SPATA31D1: variants seen among roughly 807,000 people sequenced by gnomAD.
SPATA31D1 encodes SPATA31 subfamily D member 1, also known as spermatogenesis-associated protein 31D1.
In SPATA31D1, 6 loss-of-function variants were observed where a neutral mutation model predicts 13.2. The observed-to-expected ratio is 0.46, with a 90% CI of 0.25 to 0.90. SPATA31D1 has a LOEUF of 0.90. Ranked by LOEUF, SPATA31D1 falls within the 40% of genes least tolerant of loss-of-function variation. The pLI is 0.18. For missense variants in SPATA31D1, 2,445 were observed against 1,884.7 expected, an observed-to-expected ratio of 1.30 and a Z score of -5.50; for synonymous variants, 903 against 718.8, an observed-to-expected ratio of 1.26 and a Z score of -4.10.
chr9:81,991,005 A>G lies in SPATA31D1; in HGVS notation c.535A>G (p.Thr179Ala). 6.2e-7 allele frequency: 1 copy of G among 1,613,340 alleles called. No homozygotes were observed. Among genetic ancestry groups the G allele is most frequent in the South Asian group, 1.1e-5 (1 of 91,050 alleles). Residue 179 changes from threonine to alanine, a missense_variant, in exon 4 of 4, where the codon ACC (threonine) becomes GCC (alanine). By Grantham distance (58) the Thr-to-Ala change is moderately conservative (BLOSUM62 0). Transcript: ENST00000344803. ...CACTCTGGCTTCCACCCCCTCAGCAACCCCTCCAGAAGACCTAATACTGTC... is the reference window on the plus strand; with the variant it reads ...CACTCTGGCTTCCACCCCCTCAGCAGCCCCTCCAGAAGACCTAATACTGTC... ...SFTLASTPSA[T>A]PPEDLILSPR...
Position 81,995,225 on chromosome 9 carries a change from A to G in SPATA31D1, c.*24A>G. On this transcript the variant is annotated 3_prime_UTR_variant, in exon 4 of 4. Coordinates refer to ENST00000344803, the MANE Select transcript of SPATA31D1 (RefSeq NM_001001670.3). ...AATTCACTCCTTGTTGAGAATCTTGATTCTCCCCAATAAATGTTCCAATAA... is the reference window on the plus strand; with the variant it reads ...AATTCACTCCTTGTTGAGAATCTTGGTTCTCCCCAATAAATGTTCCAATAA... 3 of 1,476,864 alleles carry G rather than the reference A, an allele frequency of 2.0e-6. No homozygotes were observed. Among genetic ancestry groups the G allele is most frequent in the Non-Finnish European group, 2.7e-6 (3 of 1,111,658 alleles). 91.5% of individuals were successfully genotyped at this position (1,476,864 alleles called of 1,614,324 possible).
Position 81,993,379 on chromosome 9 carries a change from A to G in SPATA31D1, c.2909A>G (p.Gln970Arg), listed in dbSNP as rs1210947054. ...AAGTCCCGTAGTCGAAGCACTTTTC[A>G]AGGAGAAAAGTTGGGAACAACAAGC... is the stretch of plus-strand genomic sequence containing the variant. ...VSKSRSRSTF[Q>R]GEKLGTTSSV... Residue 970 changes from glutamine (Q) to arginine (R), a missense_variant, in exon 4 of 4, where the codon CAA (glutamine) becomes CGA (arginine). Physicochemically the swap from Gln to Arg is conservative, Grantham distance 43. Coordinates refer to ENST00000344803, the MANE Select transcript of SPATA31D1 (RefSeq NM_001001670.3). 6.2e-7 allele frequency: 1 copy of G among 1,613,884 alleles called. No homozygotes were observed. The highest frequency in any genetic ancestry group is 2.2e-5 in the East Asian group (1 of 44,888).
In SPATA31D1 at chr9:81,994,399, G is replaced by C. The variant is rs781720866; in HGVS notation, c.3929G>C (p.Gly1310Ala). ...GGAGAGCTTGATGGAGGGGATGCAG[G>C]GCTGGGGACATCCCAACGCAGGAGA... The part of the protein sequence containing the change: ...KGGELDGGDA[G>A]LGTSQRRRKS... Residue 1310 changes from glycine (G) to alanine (A), a missense_variant, in exon 4 of 4, where the codon GGG becomes GCG. Gly to Ala is a moderately conservative substitution (Grantham distance 60). Transcript: ENST00000344803. 2 of 1,613,900 alleles carry C rather than the reference G, an allele frequency of 1.2e-6. No individual in the cohort carries two copies. The highest frequency in any genetic ancestry group is 3.3e-5 in the Admixed American group (2 of 60,012).
rs1309898462 is a variant in SPATA31D1 at position 81,992,880 on chromosome 9, G to A, written c.2410G>A (p.Asp804Asn). Reference sequence around the variant, plus strand: ...GGATCTGAGGTCTAACTCTGAGAGAGACCTAGAAACTCATATGATGCATCT... The same window carrying A: ...GGATCTGAGGTCTAACTCTGAGAGAAACCTAGAAACTCATATGATGCATCT... Reference protein sequence around the residue: ...DKDLRSNSERDLETHMMHLSG... With the variant: ...DKDLRSNSERNLETHMMHLSG... The change falls in exon 4 of 4, where the codon GAC (aspartate) becomes AAC (asparagine). Residue 804 changes from aspartate (D) to asparagine (N), a missense_variant. Asp to Asn is a conservative substitution (Grantham distance 23, BLOSUM62 1). Coordinates refer to ENST00000344803, the MANE Select transcript of SPATA31D1 (RefSeq NM_001001670.3). 1 of 1,613,698 alleles carries A rather than the reference G, an allele frequency of 6.2e-7. No homozygotes were observed. The highest frequency in any genetic ancestry group is 8.5e-7 in the Non-Finnish European group (1 of 1,179,732).
chr9:81,993,889 T>C lies in SPATA31D1; in HGVS notation c.3419T>C (p.Leu1140Pro). The change falls in exon 4 of 4, where the codon CTT becomes CCT. Residue 1140 changes from leucine (L) to proline (P), a missense_variant. Coordinates refer to ENST00000344803, the MANE Select transcript of SPATA31D1 (RefSeq NM_001001670.3). ...AGTTCCTTTCATAATGTAGACAGGC[T>C]TCAGGGCAGTAGAAAGACCTTTCCT... is the stretch of plus-strand genomic sequence containing the variant. ...RKSSFHNVDR[L>P]QGSRKTFPVT... 6.2e-7 allele frequency: 1 copy of C among 1,613,980 alleles called. No homozygotes were observed. Among genetic ancestry groups the C allele is most frequent in the East Asian group, 2.2e-5 (1 of 44,870 alleles).
Position 81,994,205 on chromosome 9 carries a change from G to C in SPATA31D1, c.3735G>C (p.Ser1245=), listed in dbSNP as rs112978886. ...KDLLTNSQGI[S]SGDMGTSQVV... Reference sequence around the variant, plus strand: ...TACTGACTAATTCCCAGGGCATCTCGAGTGGGGACATGGGAACTTCCCAGG... The same window carrying C: ...TACTGACTAATTCCCAGGGCATCTCCAGTGGGGACATGGGAACTTCCCAGG... The change falls in exon 4 of 4, where the codon TCG becomes TCC. Residue 1245 remains serine, a synonymous_variant. Coordinates refer to ENST00000344803, the MANE Select transcript of SPATA31D1 (RefSeq NM_001001670.3). 6.1e-5 allele frequency: 98 copies of C among 1,614,008 alleles called. No homozygotes were observed. Among genetic ancestry groups the C allele is most frequent in the South Asian group, 5.9e-4 (54 of 91,076 alleles).
chr9:81,990,966 A>T lies in SPATA31D1; in HGVS notation c.496A>T (p.Thr166Ser), dbSNP rs554938721. 6.2e-7 allele frequency: 1 copy of T among 1,613,574 alleles called. No homozygotes were observed. Among genetic ancestry groups the T allele is most frequent in the Non-Finnish European group, 8.5e-7 (1 of 1,179,764 alleles). ...VSPLASSASA[T>S]ESSFTLASTP... ...CCCTTTGGCTTCTTCGGCTTCTGCG[A>T]CTGAGTCATCGTTCACTCTGGCTTC... The change falls in exon 4 of 4, where the codon ACT becomes TCT. Residue 166 changes from threonine (T) to serine (S), a missense_variant. Thr to Ser is a moderately conservative substitution (Grantham distance 58, BLOSUM62 1). Transcript: ENST00000344803.
At chr9:81,987,983 C>T (rs73478295), upstream of SPATA31D1, among the ~76,000 whole-genome samples, 2,580 of 152,252 alleles carry the variant, frequency 0.017, 66 homozygotes, top group African/African-American at 0.058. Flanking sequence ...ATACATGAGG[C>T]AGCGTTAAAC....
chr9:81,993,046 A>G lies in SPATA31D1; in HGVS notation c.2576A>G (p.Gln859Arg), dbSNP rs746477667. Residue 859 changes from glutamine to arginine, a missense_variant, in exon 4 of 4, where the codon CAG becomes CGG. Physicochemically the swap from Gln to Arg is conservative, Grantham distance 43. Transcript: ENST00000344803. ...CATAGTTCATGGCACTCAGTCAAGC[A>G]GACAATGTCTCTTCCTGAGAAATCC... ...TVHSSWHSVK[Q>R]TMSLPEKSHS... 21 of 1,613,720 alleles carry G rather than the reference A, an allele frequency of 1.3e-5. No individual in the cohort carries two copies. Among genetic ancestry groups the G allele is most frequent in the Non-Finnish European group, 1.7e-5 (20 of 1,179,750 alleles).
upstream of SPATA31D1, among the ~76,000 whole-genome samples, chr9:81,988,382 A>G (rs1218068149): frequency 6.6e-6 from 1 of 152,166 alleles, no homozygotes; most frequent in African/African-American, 2.4e-5. Flanking sequence ...TGTAGGTAAG[A>G]TGGATTTGAG....
chr9:81,993,534 T>A lies in SPATA31D1; in HGVS notation c.3064T>A (p.Ser1022Thr). ...AGAGACAGATTCCAAAGACGGGGCC[T>A]CCACATCCCTTAGAAGAGGTACTAC... is the stretch of plus-strand genomic sequence containing the variant. Reference protein sequence around the residue: ...LIETDSKDGASTSLRRGTTDF... With the variant: ...LIETDSKDGATTSLRRGTTDF... Residue 1022 changes from serine to threonine, a missense_variant, in exon 4 of 4, where the codon TCC (serine) becomes ACC (threonine). Ser to Thr is a moderately conservative substitution (Grantham distance 58, BLOSUM62 1). Coordinates refer to ENST00000344803, the MANE Select transcript of SPATA31D1 (RefSeq NM_001001670.3). 6.2e-7 allele frequency: 1 copy of A among 1,613,720 alleles called. No homozygotes were observed.
Position 81,992,275 on chromosome 9 carries a change from G to GTTTCA in SPATA31D1, c.1806_1807insTTCAT (p.Gly603PhefsTer83). ...AGTCCTCTATTCCTGATTAGGATCT[G>GTTTCA]TGGAGTGTGTTTTCATAGACCCCAG... On this transcript the variant is annotated frameshift_variant, in exon 4 of 4. Coordinates refer to ENST00000344803, the MANE Select transcript of SPATA31D1 (RefSeq NM_001001670.3). LOFTEE classifies it low-confidence loss of function (END_TRUNC). 6.2e-7 allele frequency: 1 copy of GTTTCA among 1,613,774 alleles called. No homozygotes were observed. Among genetic ancestry groups the GTTTCA allele is most frequent in the South Asian group, 1.1e-5 (1 of 91,076 alleles).
rs548006280 is a variant in SPATA31D1, at chr9:81,993,709, G to A, written c.3239G>A (p.Arg1080Gln). 8.1e-6 allele frequency: 13 copies of A among 1,613,970 alleles called. No homozygotes were observed. The highest frequency in any genetic ancestry group is 1.7e-5 in the Admixed American group (1 of 60,020). The stretch of plus-strand genomic sequence containing the variant: ...GACAATGATCTTACAGAAAGTGTCC[G>A]GACAACAGAGGATGGCAGACAGACT... ...DTDNDLTESVRTTEDGRQTFL... is the reference protein window; with the variant it reads ...DTDNDLTESVQTTEDGRQTFL... Residue 1080 changes from arginine (R) to glutamine (Q), a missense_variant, in exon 4 of 4, where the codon CGG (arginine) becomes CAG (glutamine). Coordinates refer to ENST00000344803, the MANE Select transcript of SPATA31D1 (RefSeq NM_001001670.3).
At position 81,991,526 on chromosome 9, in the gene SPATA31D1, A is replaced by G. The variant is rs1438637587; in HGVS notation, c.1056A>G (p.Ala352=). The stretch of plus-strand genomic sequence containing the variant: ...AAGGCATTGACCATTCACACCTTGC[A>G]TCTTCAGAATTCACCTGGTGGCAGC... The part of the protein sequence containing the change: ...TIKGIDHSHL[A]SSEFTWWQPH... The change falls in exon 4 of 4, where the codon GCA becomes GCG. Residue 352 remains alanine (A), a synonymous_variant. Transcript: ENST00000344803. 2.5e-6 allele frequency: 4 copies of G among 1,614,014 alleles called. No individual in the cohort carries two copies. Among genetic ancestry groups the G allele is most frequent in the Middle Eastern group, 1.6e-4 (1 of 6,062 alleles).
In SPATA31D1 at chr9:81,993,632, A is replaced by G; in HGVS notation, c.3162A>G (p.Ser1054=). 6.2e-7 allele frequency: 1 copy of G among 1,613,928 alleles called. No homozygotes were observed. ...PILGHSYLVT[S]PVNQEKQGTL... Reference sequence around the variant, plus strand: ...TCGGTCATTCTTACCTTGTCACTTCACCTGTCAACCAAGAAAAGCAGGGGA... The same window carrying G: ...TCGGTCATTCTTACCTTGTCACTTCGCCTGTCAACCAAGAAAAGCAGGGGA... Residue 1054 remains serine, a synonymous_variant, in exon 4 of 4, where the codon TCA becomes TCG. Transcript: ENST00000344803.
At chr9:81,990,035 A>C (rs1587527052) in intron 2 of SPATA31D1, 1 of 579,822 alleles carries the variant, frequency 1.7e-6, no homozygotes. Context: ...AAAGTGATGG[A>C]CCTGAGCAAT....
Position 81,994,237 on chromosome 9 carries a change from A to G in SPATA31D1, c.3767A>G (p.His1256Arg), listed in dbSNP as rs200636420. ...GACATGGGAACTTCCCAGGTGGTGCATGTCCACTTGGAGGACAGCGGAATC... is the reference window on the plus strand; with the variant it reads ...GACATGGGAACTTCCCAGGTGGTGCGTGTCCACTTGGAGGACAGCGGAATC... ...SGDMGTSQVV[H>R]VHLEDSGIRV... Residue 1256 changes from histidine (H) to arginine (R), a missense_variant, in exon 4 of 4, where the codon CAT becomes CGT. Coordinates refer to ENST00000344803, the MANE Select transcript of SPATA31D1 (RefSeq NM_001001670.3). 12 of 1,613,898 alleles carry G rather than the reference A, an allele frequency of 7.4e-6. No individual in the cohort carries two copies. The highest frequency in any genetic ancestry group is 1.1e-5 in the South Asian group (1 of 91,086).
Position 81,994,405 on chromosome 9 carries a change from G to A in SPATA31D1, c.3935G>A (p.Gly1312Glu). The A allele has an allele frequency of 2.5e-6, 4 of 1,613,892 alleles. No individual in the cohort carries two copies. The highest frequency in any genetic ancestry group is 1.7e-6 in the Non-Finnish European group (2 of 1,179,842). ...CTTGATGGAGGGGATGCAGGGCTGG[G>A]GACATCCCAACGCAGGAGAAAGAGC... ...GELDGGDAGL[G>E]TSQRRRKSLP... is the part of the protein sequence containing the mutation. The change falls in exon 4 of 4, where the codon GGG (glycine) becomes GAG (glutamate). Residue 1312 changes from glycine to glutamate, a missense_variant. Physicochemically the swap from Gly to Glu is moderately conservative, Grantham distance 98. Transcript: ENST00000344803.
rs756647673 is a variant in SPATA31D1, at chr9:81,990,974, A to G, written c.504A>G (p.Ser168=). The G allele has an allele frequency of 4.1e-5, 66 of 1,613,610 alleles. No homozygotes were observed. The highest frequency in any genetic ancestry group is 3.3e-4 in the Middle Eastern group (2 of 6,078). Residue 168 remains serine, a synonymous_variant, in exon 4 of 4, where the codon TCA becomes TCG. Coordinates refer to ENST00000344803, the MANE Select transcript of SPATA31D1 (RefSeq NM_001001670.3). ...CTTCTTCGGCTTCTGCGACTGAGTCATCGTTCACTCTGGCTTCCACCCCCT... is the reference window on the plus strand; with the variant it reads ...CTTCTTCGGCTTCTGCGACTGAGTCGTCGTTCACTCTGGCTTCCACCCCCT... ...PLASSASATE[S]SFTLASTPSA...
Sources: gnomAD v4.1 joint callset for allele counts (sites outside exome capture counted in the v4.1 genomes callset) on GRCh38, gnomAD v4.1.1 for gene constraint, MANE v1.5 for transcripts, NCBI Gene and HGNC (gene_info 2026-07-23, HGNC 2026-07-21) for gene names.